Variants in GPC5 observed in about 807,000 individuals in gnomAD.
GPC5 encodes glypican-5.
In GPC5, 47 loss-of-function variants were observed where a neutral mutation model predicts 53.9. The ratio of observed to expected loss-of-function variants is 0.87; its 90% CI spans 0.69 to 1.11. The LOEUF (loss-of-function observed/expected upper bound fraction) is 1.11. GPC5 is among the 50% of genes most tolerant of loss of function. The pLI, the probability that GPC5 is intolerant of heterozygous loss-of-function variation, is 0.00. For missense variants in GPC5, 748 were observed against 713.1 expected (o/e 1.05, Z -0.56); for synonymous variants, 286 against 263.3 (o/e 1.09, Z -0.84).
At chr13:92,617,243 T>G (rs1194663375) in intron 7 of GPC5, among the ~76,000 whole-genome samples, 1 of 152,210 alleles carries the variant, frequency 6.6e-6, no homozygotes. Flanking sequence ...GTCTTCTACC[T>G]GATCCCCTCA....
intron 1 of GPC5, among the ~76,000 whole-genome samples, chr13:91,441,420 G>A (rs1048857578): frequency 1.3e-5 from 2 of 152,190 alleles, no homozygotes; most frequent in African/African-American, 4.8e-5. Flanking sequence ...TACTGTTGCT[G>A]TTGTATTGGC....
intron 5 of GPC5, among the ~76,000 whole-genome samples, chr13:91,906,764 G>A (rs2138995515): frequency 6.6e-6 from 1 of 151,808 alleles, no homozygotes; most frequent in Admixed American, 6.6e-5. Context: ...TTGTAATTTG[G>A]GGAAGGTAGT....
chr13:92,751,822 A>G (rs2139326401), intron 7 of GPC5, among the ~76,000 whole-genome samples: 1 of 152,316 alleles, frequency 6.6e-6, no homozygotes, highest in African/African-American at 2.4e-5. Context: ...TTGCAGCCCC[A>G]TAGTTAAGTC....
intron 7 of GPC5, among the ~76,000 whole-genome samples, chr13:92,285,193 G>T (rs1034732204): frequency 1.3e-5 from 2 of 152,076 alleles, no homozygotes; most frequent in African/African-American, 4.8e-5. Flanking sequence ...GGGACGTGAA[G>T]GACCTATTCA....
intron 7 of GPC5, among the ~76,000 whole-genome samples, chr13:92,317,254 G>A (rs899004940): frequency 2.0e-5 from 3 of 152,082 alleles, no homozygotes; most frequent in African/African-American, 7.2e-5. Context: ...TCAGACCCTA[G>A]TGTCCAGGGG....
chr13:91,451,098 A>G (rs959095113), intron 2 of GPC5, among the ~76,000 whole-genome samples: 1 of 152,196 alleles, frequency 6.6e-6, no homozygotes, highest in African/African-American at 2.4e-5. Context: ...TAAAGTCTTT[A>G]TAAGAAGGAA....
At chr13:92,105,388 C>G (rs1391932977) in intron 6 of GPC5, among the ~76,000 whole-genome samples, 1 of 152,084 alleles carries the variant, frequency 6.6e-6, no homozygotes. Flanking sequence ...TGCAAATTAA[C>G]TATTAACAAA....
chr13:92,192,502 G>A (rs2042229768), intron 7 of GPC5, among the ~76,000 whole-genome samples: 1 of 152,120 alleles, frequency 6.6e-6, no homozygotes, highest in Non-Finnish European at 1.5e-5. Flanking sequence ...TGATAACAAT[G>A]ATCATTCCTT....
chr13:91,785,617 T>C (rs1469114459), intron 5 of GPC5, among the ~76,000 whole-genome samples: 1 of 152,212 alleles, frequency 6.6e-6, no homozygotes, highest in Non-Finnish European at 1.5e-5. Context: ...ACTTCAGATG[T>C]TCAAAACGAA....
In GPC5 at chr13:92,751,302, T is replaced by TAAA. The variant is rs1566400471; in HGVS notation, c.1562-114980_1562-114979insAAA. Among the ~76,000 whole-genome samples, 217 of 34,364 alleles carry TAAA rather than the reference T, an allele frequency of 6.3e-3. 9 individuals are homozygous for TAAA. Among genetic ancestry groups the TAAA allele is most frequent in the African/African-American group, 7.2e-3 (71 of 9,794 alleles). The allele number at this position is 34,364 out of a possible 152,430, so 22.5% of individuals were successfully genotyped here. On this transcript the variant is annotated intron_variant, in intron 7 of 7. Coordinates refer to ENST00000377067, the MANE Select transcript of GPC5 (RefSeq NM_004466.6). ...AAAACCTTTGGTCATCCAGAAACAT[T>TAAA]TAAAAAAAAAAAAAAAAAAAAAAAA...
At chr13:92,670,560 A>G (rs1241558961) in intron 7 of GPC5, among the ~76,000 whole-genome samples, 1 of 152,076 alleles carries the variant, frequency 6.6e-6, no homozygotes, top group Non-Finnish European at 1.5e-5. Flanking sequence ...CCATATCTCT[A>G]TTTAGATGAT....
intron 2 of GPC5, among the ~76,000 whole-genome samples, chr13:91,689,184 AATAT>A (rs1169911890): frequency 0.13 from 6,492 of 49,470 alleles, 453 homozygotes; most frequent in Non-Finnish European, 0.17. Flanking sequence ...ATCATATATA[AATAT>A]ATATATATAT....
At chr13:91,437,550 A>G (rs1454813842) in intron 1 of GPC5, among the ~76,000 whole-genome samples, 1 of 152,216 alleles carries the variant, frequency 6.6e-6, no homozygotes. Flanking sequence ...TTCTGCCGAG[A>G]TATCAGCTGT....
rs1314356919 is a variant in GPC5 at position 92,190,051 on chromosome 13, G to A, written c.1561+45062G>A. On this transcript the variant is annotated intron_variant, in intron 7 of 7. Transcript: ENST00000377067. ...CTGCTTAAAAAACTACCCCTAGGCA[G>A]ATTATGTACAAGCTGGAGAAAATCA... 2.0e-5 allele frequency among the ~76,000 whole-genome samples: 3 copies of A among 152,170 alleles called. 1 individual carries two copies.
At chr13:92,422,818 T>A in intron 7 of GPC5, among the ~76,000 whole-genome samples, 1 of 152,310 alleles carries the variant, frequency 6.6e-6, no homozygotes, top group African/African-American at 2.4e-5. Context: ...TTGATTACTT[T>A]AAAAAAATTT....
intron 5 of GPC5, among the ~76,000 whole-genome samples, chr13:91,874,058 A>G (rs987204680): frequency 6.6e-6 from 1 of 152,158 alleles, no homozygotes; most frequent in Non-Finnish European, 1.5e-5. Flanking sequence ...ATGTTCTTGT[A>G]TGAGTTAAAT....
chr13:91,644,234 C>A (rs1474099258), intron 2 of GPC5, among the ~76,000 whole-genome samples: 1 of 152,034 alleles, frequency 6.6e-6, no homozygotes, highest in East Asian at 1.9e-4. Flanking sequence ...TTTCTAAGAT[C>A]TTTATATATA....
chr13:92,812,884 A>G (rs1053930789), intron 7 of GPC5, among the ~76,000 whole-genome samples: 1 of 151,924 alleles, frequency 6.6e-6, no homozygotes, highest in African/African-American at 2.4e-5. Flanking sequence ...CAAATTTTGA[A>G]TAGTTTCCAA....
intron 7 of GPC5, among the ~76,000 whole-genome samples, chr13:92,759,612 G>C (rs1875074092): frequency 6.6e-6 from 1 of 151,888 alleles, no homozygotes; most frequent in African/African-American, 2.4e-5. Flanking sequence ...ACAGTTTTTT[G>C]GTGGAGTCTT....
Sources: gnomAD v4.1 joint callset for allele counts (sites outside exome capture counted in the v4.1 genomes callset) on GRCh38, gnomAD v4.1.1 for gene constraint, MANE v1.5 for transcripts, NCBI Gene and HGNC (gene_info 2026-07-23, HGNC 2026-07-21) for gene names.